The following SHISA6 variants were observed in gnomAD, a reference collection of about 807,000 sequenced individuals.
SHISA6 encodes the protein shisa family member 6, also known as protein shisa-6.
Under a neutral mutation model 47.9 loss-of-function variants are expected in SHISA6, and 22 were observed. The observed-to-expected ratio is 0.46, with a 90% CI of 0.33 to 0.66. SHISA6 has a LOEUF of 0.66. Ranked by LOEUF, SHISA6 falls within the 30% of genes least tolerant of loss-of-function variation. The pLI, the probability that SHISA6 is intolerant of heterozygous loss-of-function variation, is 0.02. For synonymous variants in SHISA6, 388 were observed against 337.8 expected (o/e 1.15, Z -1.63); for missense variants, 680 against 764.6 (o/e 0.89, Z 1.30).
chr17:11,427,185 G>A (rs1914631748), intron 3 of SHISA6, among the ~76,000 whole-genome samples: 1 of 152,096 alleles, frequency 6.6e-6, no homozygotes, highest in Non-Finnish European at 1.5e-5. Flanking sequence ...CCAGGCTGGA[G>A]TGCAGTGGCA....
intron 3 of SHISA6, among the ~76,000 whole-genome samples, chr17:11,537,383 C>T (rs1054075848): frequency 2.6e-5 from 4 of 152,030 alleles, no homozygotes; most frequent in African/African-American, 9.7e-5. Context: ...TTTCTGACAC[C>T]AAGAGTCAAA....
Position 11,340,964 on chromosome 17 carries a change from G to A in SHISA6, c.800-38450G>A, listed in dbSNP as rs142297058. 3.3e-3 allele frequency among the ~76,000 whole-genome samples: 496 copies of A among 152,358 alleles called. 4 individuals carry two copies. Among genetic ancestry groups the A allele is most frequent in the African/African-American group, 0.01 (419 of 41,580 alleles). ...GCCTGTGGAGCCCTGCTGGTTAGCT[G>A]CAGGTCTGGAGGTGACCCTCAGCCA... On this transcript the variant is annotated intron_variant, in intron 2 of 5. Coordinates refer to ENST00000441885, the MANE Select transcript of SHISA6 (RefSeq NM_207386.4).
intron 3 of SHISA6, among the ~76,000 whole-genome samples, chr17:11,419,344 A>T (rs888067021): frequency 5.9e-5 from 8 of 135,854 alleles, no homozygotes; most frequent in South Asian, 2.4e-4. Context: ...ACAGAAAATT[A>T]AAAAAAAAAT....
At chr17:11,537,087 G>A (rs2071794263) in intron 3 of SHISA6, among the ~76,000 whole-genome samples, 2 of 150,526 alleles carry the variant, frequency 1.3e-5, no homozygotes, top group South Asian at 2.2e-4. Context: ...GACAACCAAT[G>A]TGATGCCACT....
intron 3 of SHISA6, among the ~76,000 whole-genome samples, chr17:11,523,837 C>T (rs908095961): frequency 6.6e-6 from 1 of 151,956 alleles, no homozygotes; most frequent in Non-Finnish European, 1.5e-5. Context: ...GAAACTCTGT[C>T]TCTACTAAAA....
chr17:11,266,357 G>A (rs1010012621), intron 2 of SHISA6, among the ~76,000 whole-genome samples: 2 of 152,200 alleles, frequency 1.3e-5, no homozygotes, highest in Non-Finnish European at 2.9e-5. Context: ...TCACCTGAGA[G>A]CTTGTGGGAA....
chr17:11,469,027 A>C, intron 3 of SHISA6, among the ~76,000 whole-genome samples: 1 of 149,102 alleles, frequency 6.7e-6, no homozygotes, highest in Non-Finnish European at 1.5e-5. Context: ...TCAAAAAAAA[A>C]AAAAAAAAAA....
chr17:11,303,464 G>A (rs117617179), intron 2 of SHISA6, among the ~76,000 whole-genome samples: 1 of 152,024 alleles, frequency 6.6e-6, no homozygotes, highest in East Asian at 1.9e-4. Context: ...TGTATGTGTG[G>A]TTGTGTGTGA....
At chr17:11,356,516 A>G (rs528873193) in intron 2 of SHISA6, among the ~76,000 whole-genome samples, 1 of 152,296 alleles carries the variant, frequency 6.6e-6, no homozygotes, top group African/African-American at 2.4e-5. Flanking sequence ...GGTGTTAATG[A>G]CTAATTTCCT....
chr17:11,332,523 G>A (rs113748538), intron 2 of SHISA6, among the ~76,000 whole-genome samples: 138 of 152,220 alleles, frequency 9.1e-4, no homozygotes, highest in Middle Eastern at 3.4e-3. Context: ...TAAACACACC[G>A]CTGATGTGTC....
intron 3 of SHISA6, among the ~76,000 whole-genome samples, chr17:11,495,250 G>C (rs1023743412): frequency 6.6e-6 from 1 of 152,214 alleles, no homozygotes; most frequent in Non-Finnish European, 1.5e-5. Flanking sequence ...CGTAGCTGCT[G>C]TGTGACTTTG....
intron 3 of SHISA6, among the ~76,000 whole-genome samples, chr17:11,497,324 G>A (rs2071417298): frequency 6.6e-6 from 1 of 152,146 alleles, no homozygotes; most frequent in Non-Finnish European, 1.5e-5. Flanking sequence ...GGGGAGGGAA[G>A]GGAAGTGATC....
intron 3 of SHISA6, among the ~76,000 whole-genome samples, chr17:11,499,376 A>T (rs1485592452): frequency 6.6e-6 from 1 of 151,964 alleles, no homozygotes; most frequent in Admixed American, 6.6e-5. Context: ...TTTATCCTCT[A>T]TGAAGCACCT....
intron 3 of SHISA6, among the ~76,000 whole-genome samples, chr17:11,550,352 G>A (rs1009996948): frequency 6.6e-6 from 1 of 152,148 alleles, no homozygotes. Flanking sequence ...ACTGCGCCCG[G>A]CCCTGTTGTG....
chr17:11,245,883 T>A (rs1907563200), intron 1 of SHISA6, among the ~76,000 whole-genome samples: 1 of 152,164 alleles, frequency 6.6e-6, no homozygotes, highest in African/African-American at 2.4e-5. Context: ...GGGAATACTT[T>A]GTTCTACTCT....
At chr17:11,535,362 C>T (rs1303487760) in intron 3 of SHISA6, among the ~76,000 whole-genome samples, 1 of 152,128 alleles carries the variant, frequency 6.6e-6, no homozygotes, top group Admixed American at 6.5e-5. Context: ...TGCCAGGCTG[C>T]ATGTTCCAAT....
chr17:11,370,506 G>A (rs926567730), intron 2 of SHISA6, among the ~76,000 whole-genome samples: 2 of 152,174 alleles, frequency 1.3e-5, no homozygotes, highest in East Asian at 1.9e-4. Flanking sequence ...TGATTTGGGG[G>A]ACATTTAGTT....
chr17:11,457,459 C>A (rs758156756), intron 3 of SHISA6, among the ~76,000 whole-genome samples: 1 of 152,020 alleles, frequency 6.6e-6, no homozygotes, highest in East Asian at 1.9e-4. Context: ...AGGCCGGGCA[C>A]GGTGGCTCAT....
chr17:11,476,023 C>A (rs1271784643), intron 3 of SHISA6, among the ~76,000 whole-genome samples: 1 of 151,912 alleles, frequency 6.6e-6, no homozygotes, highest in Non-Finnish European at 1.5e-5. Flanking sequence ...CAGATTGTAT[C>A]TTTTTAAGAA....
Sources: allele counts gnomAD v4.1 joint callset (sites outside exome capture counted in the v4.1 genomes callset), GRCh38; gene constraint gnomAD v4.1.1; transcripts MANE v1.5; gene names NCBI Gene and HGNC (gene_info 2026-07-23, HGNC 2026-07-21).